Variants in KLHL1 observed in about 807,000 individuals in gnomAD.
KLHL1 encodes the protein kelch like family member 1, also known as kelch-like protein 1.
Under a neutral mutation model 77.7 loss-of-function variants are expected in KLHL1, and 47 were observed. That is an observed-to-expected ratio of 0.60 (90% CI 0.48 to 0.77). The LOEUF is 0.77. Among genes scored for constraint, KLHL1 ranks in the 30% least tolerant of loss-of-function variants. KLHL1 has a pLI of 0.00. For missense variants in KLHL1, 925 were observed against 910.8 expected (o/e 1.02, Z -0.20); for synonymous variants, 360 against 325.2 (o/e 1.11, Z -1.15).
At chr13:69,895,390 T>C (rs1332293816) in intron 4 of KLHL1, among the ~76,000 whole-genome samples, 3 of 152,164 alleles carry the variant, frequency 2.0e-5, no homozygotes, top group Non-Finnish European at 4.4e-5. Flanking sequence ...AAGCTGCCAC[T>C]GTCATGGTGC....
intron 1 of KLHL1, among the ~76,000 whole-genome samples, chr13:70,058,846 C>T (rs564502287): frequency 3.9e-5 from 6 of 152,124 alleles, no homozygotes; most frequent in Non-Finnish European, 7.4e-5. Context: ...CAATATAGTA[C>T]TGTCATAAAA....
At chr13:69,810,733 T>A (rs2138061572) in intron 6 of KLHL1, among the ~76,000 whole-genome samples, 1 of 151,598 alleles carries the variant, frequency 6.6e-6, no homozygotes, top group East Asian at 1.9e-4. Flanking sequence ...AACTAAAAGT[T>A]GGTTAACAAA....
At chr13:69,901,890 C>T (rs183640289) in intron 4 of KLHL1, among the ~76,000 whole-genome samples, 1,648 of 147,218 alleles carry the variant, frequency 0.011, 9 homozygotes, top group Middle Eastern at 0.034. Flanking sequence ...CTCTGCCTCA[C>T]GGGTTCAAGC....
intron 1 of KLHL1, among the ~76,000 whole-genome samples, chr13:70,007,107 T>G (rs1460844856): frequency 1.3e-5 from 2 of 151,940 alleles, no homozygotes; most frequent in African/African-American, 2.4e-5. Flanking sequence ...TCAAGGGAAA[T>G]GCTGTTGGAA....
At chr13:69,905,166 A>G (rs1882005058) in intron 4 of KLHL1, among the ~76,000 whole-genome samples, 1 of 152,162 alleles carries the variant, frequency 6.6e-6, no homozygotes, top group Non-Finnish European at 1.5e-5. Context: ...ATCTTCAAGC[A>G]ATGGTTTTGC....
At chr13:69,732,612 A>T (rs949275080) in intron 8 of KLHL1, among the ~76,000 whole-genome samples, 2 of 151,032 alleles carry the variant, frequency 1.3e-5, no homozygotes, top group African/African-American at 4.9e-5. Context: ...AGACTGAAAG[A>T]CTAGAGGAGA....
intron 7 of KLHL1, among the ~76,000 whole-genome samples, chr13:69,749,783 T>G (rs1300274605): frequency 6.6e-6 from 1 of 152,000 alleles, no homozygotes; most frequent in African/African-American, 2.4e-5. Context: ...AAGCTAATTG[T>G]TATTTCTGTA....
chr13:69,903,939 C>T (rs1454398727), intron 4 of KLHL1, among the ~76,000 whole-genome samples: 1 of 151,522 alleles, frequency 6.6e-6, no homozygotes, highest in East Asian at 1.9e-4. Flanking sequence ...CGCGCCCGGC[C>T]CTCACATACT....
intron 4 of KLHL1, among the ~76,000 whole-genome samples, chr13:69,912,251 T>C (rs1404447449): frequency 1.3e-5 from 2 of 152,182 alleles, no homozygotes; most frequent in Non-Finnish European, 2.9e-5. Context: ...TCCTGTTTCA[T>C]CCAAGCTCTG....
intron 1 of KLHL1, among the ~76,000 whole-genome samples, chr13:70,057,668 C>T (rs1056758347): frequency 6.9e-6 from 1 of 145,836 alleles, no homozygotes; most frequent in Non-Finnish European, 1.5e-5. Context: ...CCCAGCTACT[C>T]GGGAGGCTGA....
chr13:69,752,953 A>G (rs2137951368), intron 7 of KLHL1, among the ~76,000 whole-genome samples: 1 of 152,292 alleles, frequency 6.6e-6, no homozygotes, highest in Non-Finnish European at 1.5e-5. Context: ...GTGACTATGC[A>G]TGGTGGAATT....
chr13:69,799,203 A>G (rs2138042674), intron 6 of KLHL1, among the ~76,000 whole-genome samples: 1 of 152,250 alleles, frequency 6.6e-6, no homozygotes, highest in African/African-American at 2.4e-5. Flanking sequence ...TTAGGCTCAT[A>G]TTTTCTGGTA....
intron 1 of KLHL1, among the ~76,000 whole-genome samples, chr13:70,045,734 G>A (rs1886479362): frequency 6.6e-6 from 1 of 152,070 alleles, no homozygotes; most frequent in Non-Finnish European, 1.5e-5. Flanking sequence ...GGACATTCCT[G>A]TAACACTTGT....
chr13:69,938,419 C>G (rs1593967615), intron 4 of KLHL1, among the ~76,000 whole-genome samples: 1 of 152,012 alleles, frequency 6.6e-6, no homozygotes, highest in African/African-American at 2.4e-5. Flanking sequence ...TCCTATGAAG[C>G]ATACCTTTTA....
intron 5 of KLHL1, among the ~76,000 whole-genome samples, chr13:69,855,730 A>C (rs973207098): frequency 6.6e-6 from 1 of 151,206 alleles, no homozygotes; most frequent in Non-Finnish European, 1.5e-5. Context: ...AGCCATGCCG[A>C]ACCGTGAGTC....
chr13:69,900,911 CT>C (rs1222571129), intron 4 of KLHL1, among the ~76,000 whole-genome samples: 2 of 152,188 alleles, frequency 1.3e-5, no homozygotes, highest in Non-Finnish European at 2.9e-5. Flanking sequence ...TCCTGTCCTC[CT>C]TTCCTGTTCC....
chr13:69,943,990 A>G (rs1209313983), intron 3 of KLHL1, among the ~76,000 whole-genome samples: 1 of 152,204 alleles, frequency 6.6e-6, no homozygotes, highest in Non-Finnish European at 1.5e-5. Flanking sequence ...TTCTCTCAAT[A>G]TAATTTATGC....
chr13:69,798,967 T>A (rs950150774), intron 6 of KLHL1, among the ~76,000 whole-genome samples: 4 of 152,030 alleles, frequency 2.6e-5, no homozygotes, highest in Admixed American at 2.0e-4. Flanking sequence ...CTCATGCCTG[T>A]AGTCTCAGCT....
At chr13:70,079,572 A>G (rs1404699905) in intron 1 of KLHL1, among the ~76,000 whole-genome samples, 1 of 152,206 alleles carries the variant, frequency 6.6e-6, no homozygotes, top group Non-Finnish European at 1.5e-5. Context: ...GAACAGACTA[A>G]TGTTTTTGAG....
Sources: gnomAD v4.1 joint callset for allele counts (sites outside exome capture counted in the v4.1 genomes callset) on GRCh38, gnomAD v4.1.1 for gene constraint, MANE v1.5 for transcripts, NCBI Gene and HGNC (gene_info 2026-07-23, HGNC 2026-07-21) for gene names.